Variants in TMEM132C observed in about 807,000 individuals in gnomAD.
The protein encoded by TMEM132C is protein phosphatase 1, regulatory subunit 152.
Under a neutral mutation model 61.4 loss-of-function variants are expected in TMEM132C, and 29 were observed. That is an observed-to-expected ratio of 0.47 (90% CI 0.35 to 0.64). TMEM132C has a LOEUF of 0.64. TMEM132C is among the 30% of genes least tolerant of loss of function. The pLI, the probability that TMEM132C is intolerant of heterozygous loss-of-function variation, is 0.00. For missense variants in TMEM132C, 1,408 were observed against 1,476.9 expected, an observed-to-expected ratio of 0.95 and a Z score of 0.76; for synonymous variants, 656 against 633.1, an observed-to-expected ratio of 1.04 and a Z score of -0.54.
chr12:128,348,822 T>G (rs1474319719), intron 1 of TMEM132C, among the ~76,000 whole-genome samples: 1 of 152,250 alleles, frequency 6.6e-6, no homozygotes, highest in African/African-American at 2.4e-5. Flanking sequence ...GCAGTTTCTT[T>G]GCATCCCTGA....
intron 2 of TMEM132C, among the ~76,000 whole-genome samples, chr12:128,475,890 C>T (rs985015688): frequency 2.0e-5 from 3 of 152,170 alleles, no homozygotes; most frequent in African/African-American, 4.8e-5. Flanking sequence ...CCACAGCTAG[C>T]AAGTGACCGG....
At position 128,544,012 on chromosome 12, in the gene TMEM132C, C is replaced by G; in HGVS notation, c.1030C>G (p.Gln344Glu). 6.5e-7 allele frequency: 1 copy of G among 1,549,150 alleles called. No homozygotes were observed. Among genetic ancestry groups the G allele is most frequent in the Non-Finnish European group, 8.7e-7 (1 of 1,145,960 alleles). Residue 344 changes from glutamine to glutamate, a missense_variant, in exon 3 of 9, where the codon CAG becomes GAG. By Grantham distance (29) the Gln-to-Glu change is conservative. Transcript: ENST00000435159. ...ILSAQTREPR[Q>E]WGVKQEVGSG... ...GAGTGCTCAGACCCGTGAGCCCCGGCAGTGGGGCGTCAAGCAGGAGGTGGG... is the reference window on the plus strand; with the variant it reads ...GAGTGCTCAGACCCGTGAGCCCCGGGAGTGGGGCGTCAAGCAGGAGGTGGG...
rs1953976906 is a variant in TMEM132C at position 128,622,385 on chromosome 12, A to G, written c.1305+6050A>G. On this transcript the variant is annotated intron_variant, in intron 4 of 8. Transcript: ENST00000435159. ...AATATATATATATATATATATATAT[A>G]TATATATATATATATAACCAGGAAA... is the stretch of plus-strand genomic sequence containing the variant. 1.7e-5 allele frequency among the ~76,000 whole-genome samples: 2 copies of G among 119,768 alleles called. 1 individual carries two copies. The highest frequency in any genetic ancestry group is 6.7e-5 in the African/African-American group (2 of 29,662). 78.6% of individuals were successfully genotyped at this position (119,768 alleles called of 152,430 possible).
intron 3 of TMEM132C, among the ~76,000 whole-genome samples, chr12:128,599,127 A>G (rs1048475009): frequency 6.6e-6 from 1 of 152,102 alleles, no homozygotes; most frequent in African/African-American, 2.4e-5. Flanking sequence ...CAGCTCCCAC[A>G]GGGAAACTCT....
rs146632671 is a variant in TMEM132C, at chr12:128,384,743, A to C, written c.86-29989A>C. ...TGAATATTCTGTCCGCTCCAAATCCACCTCCCACAGTGGGGCACTAAAGGC... is the reference window on the plus strand; with the variant it reads ...TGAATATTCTGTCCGCTCCAAATCCCCCTCCCACAGTGGGGCACTAAAGGC... On this transcript the variant is annotated intron_variant, in intron 1 of 8. Transcript: ENST00000435159. 1.3e-3 allele frequency among the ~76,000 whole-genome samples: 196 copies of C among 152,024 alleles called. 1 individual carries two copies. In the East Asian group the frequency reaches 0.031, roughly 24 times the overall value.
intron 4 of TMEM132C, among the ~76,000 whole-genome samples, chr12:128,622,343 C>CAAAAAAAAAAAAA (rs71069584): frequency 1.9e-4 from 3 of 16,098 alleles, no homozygotes; most frequent in African/African-American, 6.4e-4. Flanking sequence ...GACTTTGTCT[C>CAAAAAAAAAAAAA]AAAAAAAAAA....
At chr12:128,568,284 T>A (rs139725175) in intron 3 of TMEM132C, among the ~76,000 whole-genome samples, 13 of 152,300 alleles carry the variant, frequency 8.5e-5, no homozygotes, top group African/African-American at 3.1e-4. Context: ...AGCCAGAGGA[T>A]ATGAAACTGG....
chr12:128,607,640 GAA>G (rs1241893950), intron 3 of TMEM132C, among the ~76,000 whole-genome samples: 2 of 152,184 alleles, frequency 1.3e-5, no homozygotes, highest in Non-Finnish European at 2.9e-5. Context: ...GCATGTGAAA[GAA>G]AGAGAGCATT....
chr12:128,441,226 A>G (rs1445499458), intron 2 of TMEM132C, among the ~76,000 whole-genome samples: 2 of 152,232 alleles, frequency 1.3e-5, no homozygotes, highest in African/African-American at 4.8e-5. Context: ...GAGCAGAGCC[A>G]CGGTCAACCT....
At chr12:128,327,495 G>A (rs1432720852) in intron 1 of TMEM132C, among the ~76,000 whole-genome samples, 1 of 140,460 alleles carries the variant, frequency 7.1e-6, no homozygotes, top group Non-Finnish European at 1.5e-5. Flanking sequence ...CCATTCTCCT[G>A]CCTCAACCTC....
At chr12:128,301,265 G>A (rs113051650) in intron 1 of TMEM132C, among the ~76,000 whole-genome samples, 84 of 151,804 alleles carry the variant, frequency 5.5e-4, no homozygotes, top group African/African-American at 1.8e-3. Flanking sequence ...AGAAATACCT[G>A]AGCAAGTTAT....
intron 1 of TMEM132C, among the ~76,000 whole-genome samples, chr12:128,400,756 G>A (rs1318027158): frequency 4.6e-5 from 7 of 151,874 alleles, no homozygotes; most frequent in African/African-American, 1.7e-4. Flanking sequence ...TTACAGGCAC[G>A]CACCACCATA....
intron 1 of TMEM132C, chr12:128,404,543 T>G (rs1875272885): frequency 6.6e-6 from 1 of 152,296 alleles, no homozygotes; most frequent in Non-Finnish European, 1.5e-5. Flanking sequence ...AGCGTTGTGA[T>G]GAAGGCAGGG....
At position 128,599,100 on chromosome 12, in the gene TMEM132C, C is replaced by T. The variant is rs386471418; in HGVS notation, c.1122-17052C>T. On this transcript the variant is annotated intron_variant, in intron 3 of 8. Transcript: ENST00000435159. The stretch of plus-strand genomic sequence containing the variant: ...CTGATGGTGTCACAGGCAGTGGCTC[C>T]CGTTCCTCTGCGGCTGCAGCTCCCA... Among the ~76,000 whole-genome samples, 466 of 152,256 alleles carry T rather than the reference C, an allele frequency of 3.1e-3. 1 individual carries two copies. The highest frequency in any genetic ancestry group is 5.1e-3 in the Non-Finnish European group (348 of 68,008).
intron 4 of TMEM132C, among the ~76,000 whole-genome samples, chr12:128,644,421 A>G (rs1229928571): frequency 6.6e-6 from 1 of 152,236 alleles, no homozygotes; most frequent in African/African-American, 2.4e-5. Flanking sequence ...AAATAGAACA[A>G]TAAGTAAAAA....
At chr12:128,370,230 G>A (rs1162853373) in intron 1 of TMEM132C, among the ~76,000 whole-genome samples, 1 of 152,118 alleles carries the variant, frequency 6.6e-6, no homozygotes, top group Non-Finnish European at 1.5e-5. Flanking sequence ...CCTGCAGTAA[G>A]AATCTGGTAC....
intron 3 of TMEM132C, 89 bp from the exon 4 acceptor site, chr12:128,616,063 T>C: frequency 7.0e-7 from 1 of 1,434,640 alleles, no homozygotes; most frequent in Non-Finnish European, 9.3e-7. Flanking sequence ...GATGTGTTTC[T>C]TTGTCTTTAT....
intron 1 of TMEM132C, among the ~76,000 whole-genome samples, chr12:128,304,015 A>C (rs1266519202): frequency 1.3e-5 from 2 of 152,114 alleles, no homozygotes; most frequent in African/African-American, 2.4e-5. Context: ...GTGTGATCCC[A>C]GCAGAACCCA....
chr12:128,578,302 G>A (rs1262053062), intron 3 of TMEM132C, among the ~76,000 whole-genome samples: 1 of 152,110 alleles, frequency 6.6e-6, no homozygotes, highest in African/African-American at 2.4e-5. Context: ...CAGGCTGCCG[G>A]CCCCACCTCC....
Sources: allele counts gnomAD v4.1 joint callset (sites outside exome capture counted in the v4.1 genomes callset), GRCh38; gene constraint gnomAD v4.1.1; transcripts MANE v1.5; gene names NCBI Gene and HGNC (gene_info 2026-07-23, HGNC 2026-07-21).